Variants in TTN observed in about 807,000 individuals in gnomAD.
The protein encoded by TTN is connectin.
A neutral mutation model predicts 3,223.0 loss-of-function variants in TTN; 1,525 were observed. That is an observed-to-expected ratio of 0.47 (90% CI 0.45 to 0.49). The LOEUF (loss-of-function observed/expected upper bound fraction) is 0.49, where lower values mean the gene tolerates loss of function less well. Ranked by LOEUF, TTN falls within the 20% of genes least tolerant of loss-of-function variation. The pLI is 0.00. For synonymous variants in TTN, 14,094 were observed against 15,161.0 expected (o/e 0.93, Z 5.17); for missense variants, 40,786 against 43,424.0 (o/e 0.94, Z 5.40).
At chr2:178,778,564 A>G in intron 24 of TTN, 1 of 391,134 alleles carries the variant, frequency 2.6e-6, no homozygotes, top group Admixed American at 3.7e-5. Flanking sequence ...CAAACCAATA[A>G]TAGTCATCTT....
rs755318489 is a variant in TTN at position 178,591,655 on chromosome 2, A to G, written c.60164T>C (p.Ile20055Thr). 6 of 1,613,436 alleles carry G rather than the reference A, an allele frequency of 3.7e-6. No individual in the cohort carries two copies. Among genetic ancestry groups the G allele is most frequent in the Non-Finnish European group, 4.2e-6 (5 of 1,179,556 alleles). Residue 20055 changes from isoleucine to threonine, a missense_variant, in exon 303 of 363, where the codon ATT becomes ACT. Transcript: ENST00000589042. ...TYRFRVKAEN[I>T]VGLGLPDTTI... ...TGTGTCAGGGAGACCAAGACCCACAATGTTTTCAGCTTTTACACGGAATCT... is the reference window on the plus strand; with the variant it reads ...TGTGTCAGGGAGACCAAGACCCACAGTGTTTTCAGCTTTTACACGGAATCT...
rs1578062152 is a variant in TTN, at chr2:178,724,523, A to T, written c.20852T>A (p.Val6951Asp). ...TLMVLEPAVI[V>D]EKAGPMTVTV... ...CACCGTCATCGGTCCTGCCTTCTCAACAATGACTGCGGGCTCTGAAATAAA... is the reference window on the plus strand; with the variant it reads ...CACCGTCATCGGTCCTGCCTTCTCATCAATGACTGCGGGCTCTGAAATAAA... The change falls in exon 72 of 363, where the codon GTT becomes GAT. Residue 6951 changes from valine (V) to aspartate (D), a missense_variant. By Grantham distance (152) the Val-to-Asp change is radical. Transcript: ENST00000589042. 3 of 1,595,566 alleles carry T rather than the reference A, an allele frequency of 1.9e-6. No individual in the cohort carries two copies. The highest frequency in any genetic ancestry group is 2.6e-6 in the Non-Finnish European group (3 of 1,167,892).
Position 178,732,865 on chromosome 2 carries a change from G to A in TTN, c.16311C>T (p.Ser5437=). ...CAATCAGGGCTCCACTGCTGTCTTTGCTTCCCACGGAATTTGTGGCTCGAC... is the reference window on the plus strand; with the variant it reads ...CAATCAGGGCTCCACTGCTGTCTTTACTTCCCACGGAATTTGTGGCTCGAC... ...FTCRATNSVG[S]KDSSGALIVQ... Residue 5437 remains serine, a synonymous_variant, in exon 55 of 363, where the codon AGC becomes AGT. Transcript: ENST00000589042. 2 of 1,613,048 alleles carry A rather than the reference G, an allele frequency of 1.2e-6. No individual in the cohort carries two copies. Among genetic ancestry groups the A allele is most frequent in the Non-Finnish European group, 1.7e-6 (2 of 1,179,322 alleles).
chr2:178,705,090 T>C (rs2075639765), intron 103 of TTN, 84 bp downstream of exon 103: 2 of 1,579,382 alleles, frequency 1.3e-6, no homozygotes, highest in South Asian at 1.2e-5. Context: ...CATATAACTA[T>C]AGGATTCTGG....
rs2081288219 is a variant in TTN at position 178,735,512 on chromosome 2, T to A, written c.14934A>T (p.Arg4978Ser). 3.8e-6 allele frequency: 6 copies of A among 1,568,480 alleles called. No homozygotes were observed. Among genetic ancestry groups the A allele is most frequent in the Non-Finnish European group, 5.2e-6 (6 of 1,162,188 alleles). Residue 4978 changes from arginine (R) to serine (S), a missense_variant and splice_region_variant, in exon 50 of 363, where the codon AGA (arginine) becomes AGT (serine). Transcript: ENST00000589042. Reference protein sequence around the residue: ...SSSCSATVTVREPPSFVKKVD... With the variant: ...SSSCSATVTVSEPPSFVKKVD... The stretch of plus-strand genomic sequence containing the variant: ...AAAATACATTCACACGTTTCTTACC[T>A]CTGACAGTGACTGTGGCTGAGCAGG...
rs757343393 is a variant in TTN, at chr2:178,570,135, C to T, written c.75997G>A (p.Gly25333Ser). ...AGAACATATCCAAGAATTTCACTAC[C>T]ACCATCAGATGCTGGTCTTTCCCAT... Reference protein sequence around the residue: ...VVWERPASDGGSEILGYVLEK... With the variant: ...VVWERPASDGSSEILGYVLEK... The change falls in exon 326 of 363, where the codon GGT becomes AGT. Residue 25333 changes from glycine (G) to serine (S), a missense_variant. Coordinates refer to ENST00000589042, the MANE Select transcript of TTN (RefSeq NM_001267550.2). 73 of 1,613,402 alleles carry T rather than the reference C, an allele frequency of 4.5e-5. No homozygotes were observed. The highest frequency in any genetic ancestry group is 5.8e-5 in the Non-Finnish European group (68 of 1,179,636).
At chr2:178,783,198 ATAG>A in intron 17 of TTN, 134 bp from the exon 18 acceptor site, 6 of 857,088 alleles carry the variant, frequency 7.0e-6, no homozygotes, top group South Asian at 1.5e-5. Context: ...GACTCCAGAA[ATAG>A]TAGTAGAGAA....
At chr2:178,750,804 C>T in intron 47 of TTN, 1 of 1,613,158 alleles carries the variant, frequency 6.2e-7, no homozygotes, top group Non-Finnish European at 8.5e-7. Context: ...TCAGGAGTCT[C>T]ATATACTTCC....
At position 178,634,818 on chromosome 2, in the gene TTN, C is replaced by G. The variant is rs374683153; in HGVS notation, c.42056G>C (p.Arg14019Pro). 6.2e-7 allele frequency: 1 copy of G among 1,611,686 alleles called. No homozygotes were observed. Among genetic ancestry groups the G allele is most frequent in the Non-Finnish European group, 8.5e-7 (1 of 1,179,066 alleles). ...TCEIKAEGGK[R>P]FLTLHKVKLD... ...TTTGACTTTGTGCAAAGTTAAGAAG[C>G]GTTTTCCACCTTCTGCTTTGATTTC... is the stretch of plus-strand genomic sequence containing the variant. The change falls in exon 229 of 363, where the codon CGC (arginine) becomes CCC (proline). Residue 14019 changes from arginine to proline, a missense_variant. By Grantham distance (103) the Arg-to-Pro change is moderately radical (BLOSUM62 -2). Transcript: ENST00000589042. This position sits in a 1 kb window ranked among gnomAD's most constrained non-coding sequence, Gnocchi z 4.6.
rs776863726 is a variant in TTN at position 178,635,460 on chromosome 2, G to A, written c.41864C>T (p.Pro13955Leu). 3 of 1,607,322 alleles carry A rather than the reference G, an allele frequency of 1.9e-6. No homozygotes were observed. The highest frequency in any genetic ancestry group is 1.3e-5 in the African/African-American group (1 of 74,770). ...TATACCTCCAAGTGTCAGCTTTGCA[G>A]GGTATCTTTTTCCTTCAATTTCCAC... Reference protein sequence around the residue: ...YAVEIEGKRYPAKLTLGEREV... With the variant: ...YAVEIEGKRYLAKLTLGEREV... The change falls in exon 227 of 363, where the codon CCT (proline) becomes CTT (leucine). Residue 13955 changes from proline to leucine, a missense_variant. Physicochemically the swap from Pro to Leu is moderately conservative, Grantham distance 98. Coordinates refer to ENST00000589042, the MANE Select transcript of TTN (RefSeq NM_001267550.2).
At position 178,653,208 on chromosome 2, in the gene TTN, C is replaced by A. The variant is rs747066680; in HGVS notation, c.38791+30G>T. On this transcript the variant is annotated intron_variant, in intron 198 of 362. Coordinates refer to ENST00000589042, the MANE Select transcript of TTN (RefSeq NM_001267550.2). Reference sequence around the variant, plus strand: ...GTCTTCAACTGCAAAAGAATTAGATCATCTGAAGCCTAAGGTCAGTGACAA... The same window carrying A: ...GTCTTCAACTGCAAAAGAATTAGATAATCTGAAGCCTAAGGTCAGTGACAA... 7.7e-5 allele frequency: 124 copies of A among 1,611,240 alleles called. 1 individual carries two copies. The highest frequency in any genetic ancestry group is 7.0e-4 in the Middle Eastern group (4 of 5,680).
At position 178,636,898 on chromosome 2, in the gene TTN, T is replaced by A; in HGVS notation, c.40928-99A>T. ...TGGATAAAACCAGCCGTAAAGCAAT[T>A]AGAAGACGAGAAAACTAAAGACCAG... On this transcript the variant is annotated intron_variant, in intron 224 of 362. Coordinates refer to ENST00000589042, the MANE Select transcript of TTN (RefSeq NM_001267550.2). This position sits in a 1 kb window ranked among gnomAD's most constrained non-coding sequence, Gnocchi z 4.3. 7.4e-7 allele frequency: 1 copy of A among 1,353,540 alleles called. No homozygotes were observed. The highest frequency in any genetic ancestry group is 9.8e-7 in the Non-Finnish European group (1 of 1,019,288). The allele number at this position is 1,353,540 out of a possible 1,614,324, so 83.8% of individuals were successfully genotyped here. A position where few individuals can be genotyped will look rare whatever the true frequency, so the allele number is the denominator to read the frequency against.
At chr2:178,667,153 G>T in intron 162 of TTN, 83 bp downstream of exon 162, 2 of 1,202,336 alleles carry the variant, frequency 1.7e-6, no homozygotes, top group Non-Finnish European at 1.2e-6. Flanking sequence ...GAGGTTGTGA[G>T]AATGTATATT....
chr2:178,707,788 A>T lies in TTN; in HGVS notation c.28779T>A (p.Asp9593Glu). 1 of 1,603,500 alleles carries T rather than the reference A, an allele frequency of 6.2e-7. No individual in the cohort carries two copies. The highest frequency in any genetic ancestry group is 8.5e-7 in the Non-Finnish European group (1 of 1,172,346). ...TCACTGTTACTGGAGTAAGGTGCTGATCAAATACAGGTGGCTTCTTAGGTT... is the reference window on the plus strand; with the variant it reads ...TCACTGTTACTGGAGTAAGGTGCTGTTCAAATACAGGTGGCTTCTTAGGTT... ...IKEPKKPPVF[D>E]QHLTPVTVSE... is the part of the protein sequence containing the mutation. The change falls in exon 100 of 363, where the codon GAT becomes GAA. Residue 9593 changes from aspartate to glutamate, a missense_variant. By Grantham distance (45) the Asp-to-Glu change is conservative. Coordinates refer to ENST00000589042, the MANE Select transcript of TTN (RefSeq NM_001267550.2).
At chr2:178,806,199 A>T (rs547633063) in intron 1 of TTN, among the ~76,000 whole-genome samples, 2 of 152,116 alleles carry the variant, frequency 1.3e-5, no homozygotes, top group South Asian at 2.1e-4. Context: ...GCTTTCATAA[A>T]TTTTTTTTGT....
At chr2:178,713,413 A>C (rs753603842) in intron 92 of TTN, 41 bp from the exon 93 acceptor site, 12 of 1,242,602 alleles carry the variant, frequency 9.7e-6, no homozygotes, top group South Asian at 3.6e-5. Context: ...CAAAACAAAA[A>C]AAACAAAGGA....
intron 124 of TTN, 23 bp downstream of exon 124, chr2:178,689,267 T>C: frequency 6.2e-7 from 1 of 1,609,016 alleles, no homozygotes. Flanking sequence ...AAGACAGTTC[T>C]TGGGAAGATG....
chr2:178,672,217 C>T lies in TTN; in HGVS notation c.34981G>A (p.Val11661Ile), dbSNP rs762498006. 2 of 1,566,170 alleles carry T rather than the reference C, an allele frequency of 1.3e-6. No homozygotes were observed. Among genetic ancestry groups the T allele is most frequent in the Admixed American group, 1.9e-5 (1 of 52,260 alleles). The change falls in exon 155 of 363, where the codon GTA becomes ATA. Residue 11661 changes from valine to isoleucine, a missense_variant. By Grantham distance (29) the Val-to-Ile change is conservative. Transcript: ENST00000589042. ...TCTAATTCTAGTCTTTCTTTTACTA[C>T]TACTTCTTGGCGGAAGGCAACTGAT... Reference protein sequence around the residue: ...KVSVAFRQEVVVKERLELEVV... With the variant: ...KVSVAFRQEVIVKERLELEVV...
chr2:178,724,507 C>A lies in TTN; in HGVS notation c.20868G>T (p.Pro6956=). The A allele has an allele frequency of 1.9e-6, 3 of 1,605,608 alleles. No individual in the cohort carries two copies. The African/African-American group carries it at 4.0e-5, about 21-fold the overall frequency. ...EPAVIVEKAG[P]MTVTVGETCT... is the part of the protein sequence containing the mutation. ...ACGTTTCTCCTACAGTCACCGTCAT[C>A]GGTCCTGCCTTCTCAACAATGACTG... The change falls in exon 72 of 363, where the codon CCG becomes CCT. Residue 6956 remains proline (P), a synonymous_variant. Coordinates refer to ENST00000589042, the MANE Select transcript of TTN (RefSeq NM_001267550.2).
Sources: gnomAD v4.1 joint callset for allele counts (sites outside exome capture counted in the v4.1 genomes callset) on GRCh38, gnomAD v4.1.1 for gene constraint, Gnocchi (gnomAD v3.1) non-coding constraint, MANE v1.5 for transcripts, NCBI Gene and HGNC (gene_info 2026-07-23, HGNC 2026-07-21) for gene names.